The following HSPA1L variants were observed in gnomAD, a reference collection of about 807,000 sequenced individuals.
HSPA1L encodes the protein heat shock 70 kDa protein 1-like.
In HSPA1L, 21 loss-of-function variants were observed where a neutral mutation model predicts 31.5. That is an observed-to-expected ratio of 0.67 (90% CI 0.47 to 0.96). The LOEUF is 0.96. Among genes scored for constraint, HSPA1L ranks in the 40% least tolerant of loss-of-function variants. The pLI is 0.00. For synonymous variants in HSPA1L, 293 were observed against 323.1 expected (o/e 0.91, Z 1.00); for missense variants, 709 against 813.4 (o/e 0.87, Z 1.56).
Position 31,814,508 on chromosome 6 carries a change from C to CA in HSPA1L, c.-14+380dup, listed in dbSNP as rs11414738. On this transcript the variant is annotated intron_variant, in intron 1 of 1. Coordinates refer to ENST00000375654, the MANE Select transcript of HSPA1L (RefSeq NM_005527.4). ...TGGGCGACAGAGCGAGACTCCGTCT[C>CA]AAAAAAAAAAAAAAAATTAAAAATA... Among the ~76,000 whole-genome samples, 389 of 115,420 alleles carry CA rather than the reference C, an allele frequency of 3.4e-3. 1 individual carries two copies. The highest frequency in any genetic ancestry group is 4.8e-3 in the Non-Finnish European group (254 of 52,486). The allele number at this position is 115,420 out of a possible 152,430, so 75.7% of individuals were successfully genotyped here. A position where few individuals can be genotyped will look rare whatever the true frequency, so the allele number is the denominator to read the frequency against.
At position 31,811,337 on chromosome 6, in the gene HSPA1L, C is replaced by G. The variant is rs1562341905; in HGVS notation, c.636G>C (p.Leu212=). The G allele has an allele frequency of 6.2e-7, 1 of 1,614,202 alleles. No homozygotes were observed. Among genetic ancestry groups the G allele is most frequent in the Non-Finnish European group, 8.5e-7 (1 of 1,180,040 alleles). Residue 212 remains leucine (L), a synonymous_variant, in exon 2 of 2, where the codon CTG becomes CTC. Coordinates refer to ENST00000375654, the MANE Select transcript of HSPA1L (RefSeq NM_005527.4). ...CCTCAAAAATCCCATCATCTATGGTCAGAATTGACACATCAAATGTGCCTC... is the reference window on the plus strand; with the variant it reads ...CCTCAAAAATCCCATCATCTATGGTGAGAATTGACACATCAAATGTGCCTC... ...LGGGTFDVSI[L]TIDDGIFEVK...
rs1405533450 is a variant in HSPA1L at position 31,811,395 on chromosome 6, C to T, written c.578G>A (p.Gly193Glu). 6.2e-7 allele frequency: 1 copy of T among 1,614,216 alleles called. No individual in the cohort carries two copies. The highest frequency in any genetic ancestry group is 1.3e-5 in the African/African-American group (1 of 75,048). ...IAYGLDKGGQ[G>E]ERHVLIFDLG... is the part of the protein sequence containing the mutation. ...ATCAAAAATCAGGACATGTCGTTCTCCTTGACCTCCTTTATCTAAACCATA... is the reference window on the plus strand; with the variant it reads ...ATCAAAAATCAGGACATGTCGTTCTTCTTGACCTCCTTTATCTAAACCATA... The change falls in exon 2 of 2, where the codon GGA (glycine) becomes GAA (glutamate). Residue 193 changes from glycine (G) to glutamate (E), a missense_variant. Physicochemically the swap from Gly to Glu is moderately conservative, Grantham distance 98 (BLOSUM62 -2). Transcript: ENST00000375654.
Position 31,810,595 on chromosome 6 carries a change from GC to G in HSPA1L, c.1377del (p.Arg460GlyfsTer4). 6.2e-7 allele frequency: 1 copy of G among 1,613,936 alleles called. No homozygotes were observed. Among genetic ancestry groups the G allele is most frequent in the Non-Finnish European group, 8.5e-7 (1 of 1,179,956 alleles). ...GGAGGGATTCCAGTCAGGTCAAACC[GC>G]CCCAGCAGGTTGTTGTCCTTTGTCA... ...RAMTKDNNLL[G>X]RFDLTGIPPA... On this transcript the variant is annotated frameshift_variant, in exon 2 of 2. Coordinates refer to ENST00000375654, the MANE Select transcript of HSPA1L (RefSeq NM_005527.4). LOFTEE classifies it high-confidence loss of function.
In HSPA1L at chr6:31,810,099, C is replaced by G. The variant is rs771411091; in HGVS notation, c.1874G>C (p.Gly625Ala). The change falls in exon 2 of 2, where the codon GGG (glycine) becomes GCG (alanine). Residue 625 changes from glycine (G) to alanine (A), a missense_variant. Physicochemically the swap from Gly to Ala is moderately conservative, Grantham distance 60. Coordinates refer to ENST00000375654, the MANE Select transcript of HSPA1L (RefSeq NM_005527.4). ...TGTGGCAGGCCTTCCAGGCACATAC[C>G]CTGTTCCGCAGGCAGGCCCAGTGCA... is the stretch of plus-strand genomic sequence containing the variant. ...GGCTGPACGT[G>A]YVPGRPATGP... 5.4e-6 allele frequency: 8 copies of G among 1,479,602 alleles called. No individual in the cohort carries two copies. The highest frequency in any genetic ancestry group is 7.2e-6 in the Non-Finnish European group (8 of 1,118,812). 91.7% of individuals were successfully genotyped at this position (1,479,602 alleles called of 1,614,324 possible). A position where few individuals can be genotyped will look rare whatever the true frequency, so the allele number is the denominator to read the frequency against.
chr6:31,810,368 C>T lies in HSPA1L; in HGVS notation c.1605G>A (p.Arg535=), dbSNP rs1448826247. Residue 535 remains arginine (R), a synonymous_variant, in exon 2 of 2, where the codon AGG becomes AGA. Transcript: ENST00000375654. ...AGGCATTCTTTGCAGCAATTTTCTC[C>T]CTCTGGACCTCATCTTCAGCTTTAT... is the stretch of plus-strand genomic sequence containing the variant. ...EKYKAEDEVQ[R]EKIAAKNALE... 2 of 1,607,684 alleles carry T rather than the reference C, an allele frequency of 1.2e-6. No individual in the cohort carries two copies. The highest frequency in any genetic ancestry group is 8.5e-7 in the Non-Finnish European group (1 of 1,177,440).
At chr6:31,813,704 G>A (rs1358481033) in intron 1 of HSPA1L, among the ~76,000 whole-genome samples, 8 of 152,180 alleles carry the variant, frequency 5.3e-5, no homozygotes, top group African/African-American at 1.9e-4. Flanking sequence ...ACATGGAGAC[G>A]CTACTGTCAT....
Position 31,810,344 on chromosome 6 carries a change from G to A in HSPA1L, c.1629C>T (p.Ala543=). ...TCATGTTAAAAGCATAGGATTCTAA[G>A]GCATTCTTTGCAGCAATTTTCTCCC... is the stretch of plus-strand genomic sequence containing the variant. ...VQREKIAAKN[A]LESYAFNMKS... The change falls in exon 2 of 2, where the codon GCC becomes GCT. Residue 543 remains alanine (A), a synonymous_variant. Coordinates refer to ENST00000375654, the MANE Select transcript of HSPA1L (RefSeq NM_005527.4). 6.2e-7 allele frequency: 1 copy of A among 1,604,624 alleles called. No homozygotes were observed. Among genetic ancestry groups the A allele is most frequent in the South Asian group, 1.1e-5 (1 of 89,364 alleles).
Position 31,811,236 on chromosome 6 carries a change from TC to T in HSPA1L, c.736del (p.Glu246SerfsTer17), listed in dbSNP as rs1815390696. 1 of 1,613,956 alleles carries T rather than the reference TC, an allele frequency of 6.2e-7. No homozygotes were observed. Among genetic ancestry groups the T allele is most frequent in the African/African-American group, 1.3e-5 (1 of 74,916 alleles). ...GTCCTTTTTGTGTTTCCTCTTGAACTCCTCCACGAAGTGGCTCACAAGCCTG... is the reference window on the plus strand; with the variant it reads ...GTCCTTTTTGTGTTTCCTCTTGAACTCTCCACGAAGTGGCTCACAAGCCTG... ...DNRLVSHFVE[E>X]FKRKHKKDIS... On this transcript the variant is annotated frameshift_variant, in exon 2 of 2. Coordinates refer to ENST00000375654, the MANE Select transcript of HSPA1L (RefSeq NM_005527.4). LOFTEE classifies it high-confidence loss of function.
chr6:31,814,767 C>G, intron 1 of HSPA1L, 122 bp downstream of exon 1: 1 of 311,138 alleles, frequency 3.2e-6, no homozygotes, highest in Non-Finnish European at 4.7e-6. Context: ...TCCTCCTACC[C>G]GGATCAGCCA....
In HSPA1L at chr6:31,809,881, C is replaced by T; in HGVS notation, c.*166G>A. 6.2e-6 allele frequency: 3 copies of T among 481,980 alleles called. No individual in the cohort carries two copies. The highest frequency in any genetic ancestry group is 3.3e-5 in the East Asian group (1 of 30,650). 29.9% of individuals were successfully genotyped at this position (481,980 alleles called of 1,614,324 possible). A position where few individuals can be genotyped will look rare whatever the true frequency, so the allele number is the denominator to read the frequency against. On this transcript the variant is annotated 3_prime_UTR_variant, in exon 2 of 2. Transcript: ENST00000375654. ...CCTGAGTCCATTCCAAAGTCAGAAA[C>T]AGGATGTGAGGGAGTGTGATAGGTG... is the stretch of plus-strand genomic sequence containing the variant.
At position 31,811,323 on chromosome 6, in the gene HSPA1L, CCAT is replaced by C. The variant is rs752807643; in HGVS notation, c.647_649del (p.Asp216del). 1.2e-6 allele frequency: 2 copies of C among 1,614,174 alleles called. No individual in the cohort carries two copies. Among genetic ancestry groups the C allele is most frequent in the Non-Finnish European group, 1.7e-6 (2 of 1,180,040 alleles). On this transcript the variant is annotated inframe_deletion, in exon 2 of 2. Transcript: ENST00000375654. ...AGCAGTGGCCTTTACCTCAAAAATC[CCAT>C]CATCTATGGTCAGAATTGACACATC...
chr6:31,810,161 C>A lies in HSPA1L; in HGVS notation c.1812G>T (p.Met604Ile). The A allele has an allele frequency of 6.5e-7, 1 of 1,527,930 alleles. No homozygotes were observed. Among genetic ancestry groups the A allele is most frequent in the Admixed American group, 2.2e-5 (1 of 44,582 alleles). The allele number at this position is 1,527,930 out of a possible 1,614,324, so 94.6% of individuals were successfully genotyped here. The change falls in exon 2 of 2, where the codon ATG becomes ATT. Residue 604 changes from methionine (M) to isoleucine (I), a missense_variant. Physicochemically the swap from Met to Ile is conservative, Grantham distance 10. Transcript: ENST00000375654. The stretch of plus-strand genomic sequence containing the variant: ...AGAGTTTTGTGATGATAGGGTTACA[C>A]ATCTGCTCCAATTCCTTTCTCTTAT... ...FDHKRKELEQ[M>I]CNPIITKLYQ...
rs2075799 is a variant in HSPA1L at position 31,810,752 on chromosome 6, C to A, written c.1221G>T (p.Thr407=). ...DVAPLSLGLE[T]AGGVMTALIK... ...TCAGGGCAGTCATCACGCCCCCAGC[C>A]GTCTCCAGCCCCAGGGACAGGGGAG... is the stretch of plus-strand genomic sequence containing the variant. The change falls in exon 2 of 2, where the codon ACG becomes ACT. Residue 407 remains threonine (T), a synonymous_variant. Coordinates refer to ENST00000375654, the MANE Select transcript of HSPA1L (RefSeq NM_005527.4). 1 of 1,613,848 alleles carries A rather than the reference C, an allele frequency of 6.2e-7. No individual in the cohort carries two copies.
Position 31,815,130 on chromosome 6 carries a change from C to A in HSPA1L, c.-255G>T, listed in dbSNP as rs1815802366. 5.1e-6 allele frequency: 3 copies of A among 586,310 alleles called. No individual in the cohort carries two copies. Among genetic ancestry groups the A allele is most frequent in the Non-Finnish European group, 6.6e-6 (3 of 457,388 alleles). The allele number at this position is 586,310 out of a possible 1,614,324, so 36.3% of individuals were successfully genotyped here. A position where few individuals can be genotyped will look rare whatever the true frequency, so the allele number is the denominator to read the frequency against. On this transcript the variant is annotated 5_prime_UTR_variant, in exon 1 of 2. Transcript: ENST00000375654. ...GCGGTGTCAACACAAACGCCCCCAC[C>A]CTCCCCTGGACGCGCGTAACCCGCT...
In HSPA1L at chr6:31,811,082, T is replaced by C; in HGVS notation, c.891A>G (p.Thr297=). ...CTTCAAATCGAGCTCTGGTGATGGA[T>C]GTATAGAAGTCAATGCCTTCATAAA... ...DSLYEGIDFY[T]SITRARFEEL... The change falls in exon 2 of 2, where the codon ACA becomes ACG. Residue 297 remains threonine (T), a synonymous_variant. Coordinates refer to ENST00000375654, the MANE Select transcript of HSPA1L (RefSeq NM_005527.4). 6.2e-7 allele frequency: 1 copy of C among 1,614,202 alleles called. No individual in the cohort carries two copies. The highest frequency in any genetic ancestry group is 1.1e-5 in the South Asian group (1 of 91,086).
At chr6:31,812,419 C>T (rs1474587486) in intron 1 of HSPA1L, among the ~76,000 whole-genome samples, 1 of 151,820 alleles carries the variant, frequency 6.6e-6, no homozygotes, top group African/African-American at 2.4e-5. Context: ...GTGATCCGCC[C>T]GCCTCGGCCT....
Position 31,809,787 on chromosome 6 carries a change from G to C in HSPA1L, c.*260C>G. 1 of 386,752 alleles carries C rather than the reference G, an allele frequency of 2.6e-6. No homozygotes were observed. Among genetic ancestry groups the C allele is most frequent in the South Asian group, 1.4e-4 (1 of 6,990 alleles). The allele number at this position is 386,752 out of a possible 1,614,324, so 24.0% of individuals were successfully genotyped here. A position where few individuals can be genotyped will look rare whatever the true frequency, so the allele number is the denominator to read the frequency against. Reference sequence around the variant, plus strand: ...CAAATAAGCATCCACACAGGAAGAAGAATGTTAGGGTGGCTGGAAATAACA... The same window carrying C: ...CAAATAAGCATCCACACAGGAAGAACAATGTTAGGGTGGCTGGAAATAACA... On this transcript the variant is annotated 3_prime_UTR_variant, in exon 2 of 2. Transcript: ENST00000375654.
intron 1 of HSPA1L, among the ~76,000 whole-genome samples, chr6:31,813,633 T>A (rs1815599759): frequency 6.6e-6 from 1 of 152,166 alleles, no homozygotes; most frequent in Admixed American, 6.6e-5. Context: ...TATCTATCTC[T>A]CGATGGATAC....
In HSPA1L at chr6:31,814,974, A is replaced by C; in HGVS notation, c.-99T>G. 1 of 984,320 alleles carries C rather than the reference A, an allele frequency of 1.0e-6. No homozygotes were observed. Among genetic ancestry groups the C allele is most frequent in the Non-Finnish European group, 1.2e-6 (1 of 829,202 alleles). 61.0% of individuals were successfully genotyped at this position (984,320 alleles called of 1,614,324 possible). Reference sequence around the variant, plus strand: ...TAGGTGGGGGCTCCCTCAATATCAAACTGCACAACCGGGGTCCCCCCACCC... The same window carrying C: ...TAGGTGGGGGCTCCCTCAATATCAACCTGCACAACCGGGGTCCCCCCACCC... On this transcript the variant is annotated 5_prime_UTR_variant, in exon 1 of 2. Transcript: ENST00000375654.
Sources: allele counts gnomAD v4.1 joint callset (sites outside exome capture counted in the v4.1 genomes callset), GRCh38; gene constraint gnomAD v4.1.1; transcripts MANE v1.5; gene names NCBI Gene and HGNC (gene_info 2026-07-23, HGNC 2026-07-21).